CPD: variants seen among roughly 807,000 people sequenced by gnomAD.
The protein encoded by CPD is metallocarboxypeptidase D.
Under a neutral mutation model 138.3 loss-of-function variants are expected in CPD, and 69 were observed. That is an observed-to-expected ratio of 0.50 (90% CI 0.41 to 0.61). The LOEUF (loss-of-function observed/expected upper bound fraction) is 0.61, where lower values mean the gene tolerates loss of function less well. Among genes scored for constraint, CPD ranks in the 20% least tolerant of loss-of-function variants. The pLI is 0.00. For synonymous variants in CPD, 651 were observed against 642.1 expected (o/e 1.01, Z -0.21); for missense variants, 1,432 against 1,733.3 (o/e 0.83, Z 3.09).
At chr17:30,462,288 C>G in intron 19 of CPD, 82 bp from the exon 20 acceptor site, 1 of 1,201,962 alleles carries the variant, frequency 8.3e-7, no homozygotes, top group Non-Finnish European at 1.2e-6. Flanking sequence ...CCTTAGTTTG[C>G]TATATGGGGC....
intron 6 of CPD, among the ~76,000 whole-genome samples, 190 bp from the exon 7 acceptor site, chr17:30,427,201 G>T (rs942522467): frequency 2.7e-4 from 41 of 151,894 alleles, no homozygotes; most frequent in African/African-American, 9.4e-4. Context: ...AAAAAAGGCG[G>T]AGTCAACCAT....
intron 11 of CPD, chr17:30,444,191 G>A (rs527411178): frequency 2.5e-6 from 1 of 403,374 alleles, no homozygotes; most frequent in African/African-American, 2.0e-5. Context: ...TCTAGTTATT[G>A]CTTAGTTGAC....
At chr17:30,454,311 C>T (rs1228362123) in intron 14 of CPD, 1 of 152,848 alleles carries the variant, frequency 6.5e-6, no homozygotes, top group Non-Finnish European at 1.5e-5. Flanking sequence ...CGCCAGATAC[C>T]CTAAATCATC....
chr17:30,391,498 A>G (rs1449304965), intron 2 of CPD, among the ~76,000 whole-genome samples: 1 of 152,240 alleles, frequency 6.6e-6, no homozygotes, highest in Non-Finnish European at 1.5e-5. Flanking sequence ...ATCAAAGATC[A>G]TAGTTTTATG....
rs529835194 is a variant in CPD at position 30,401,728 on chromosome 17, C to T, written c.994+16492C>T. Among the ~76,000 whole-genome samples the T allele has an allele frequency of 9.9e-5, 15 of 152,246 alleles. No individual in the cohort carries two copies. In the East Asian group the frequency reaches 2.1e-3, roughly 22 times the overall value. On this transcript the variant is annotated intron_variant, in intron 2 of 20. Coordinates refer to ENST00000225719, the MANE Select transcript of CPD (RefSeq NM_001304.5). The stretch of plus-strand genomic sequence containing the variant: ...CTCAAACTCCTGGGCTCAAGGGATC[C>T]GCCTGCCTCGGTCTCCCAAAATGTT...
At chr17:30,424,734 T>A (rs1912356996) in intron 6 of CPD, among the ~76,000 whole-genome samples, 1 of 152,190 alleles carries the variant, frequency 6.6e-6, no homozygotes, top group African/African-American at 2.4e-5. Context: ...GGCGTTATAG[T>A]GTGGGATGGG....
In CPD at chr17:30,379,632, C is replaced by A; in HGVS notation, c.652C>A (p.Arg218=). Residue 218 remains arginine, a synonymous_variant, in exon 1 of 21, where the codon CGA becomes AGA. Coordinates refer to ENST00000225719, the MANE Select transcript of CPD (RefSeq NM_001304.5). The surrounding 1 kb of genome is among the most constrained non-coding windows in gnomAD (Gnocchi z 7.0). ...CAATAGTCGCGGCCGCGACCTCAAC[C>A]GAAGCTTTCCCGACCAGTTTAGCAC... ...RDNSRGRDLN[R]SFPDQFSTGE... 2 of 1,501,782 alleles carry A rather than the reference C, an allele frequency of 1.3e-6. No homozygotes were observed. Among genetic ancestry groups the A allele is most frequent in the Non-Finnish European group, 1.8e-6 (2 of 1,141,082 alleles). 93.0% of individuals were successfully genotyped at this position (1,501,782 alleles called of 1,614,324 possible). A position where few individuals can be genotyped will look rare whatever the true frequency, so the allele number is the denominator to read the frequency against.
chr17:30,421,756 T>C lies in CPD; in HGVS notation c.1230T>C (p.Asn410=). 1 of 1,613,778 alleles carries C rather than the reference T, an allele frequency of 6.2e-7. No individual in the cohort carries two copies. Among genetic ancestry groups the C allele is most frequent in the Non-Finnish European group, 8.5e-7 (1 of 1,179,712 alleles). The part of the protein sequence containing the change: ...ATISVAGINH[N]ITTGRFGDFY... The stretch of plus-strand genomic sequence containing the variant: ...TCTCAGTGGCTGGTATTAATCATAA[T>C]ATCACAACAGGCAGATTTGGTGATT... Residue 410 remains asparagine, a synonymous_variant, in exon 4 of 21, where the codon AAT becomes AAC. Transcript: ENST00000225719.
At chr17:30,407,660 GTTGT>G (rs1487317299) in intron 2 of CPD, among the ~76,000 whole-genome samples, 39 of 152,220 alleles carry the variant, frequency 2.6e-4, no homozygotes, top group African/African-American at 9.1e-4. Context: ...TTTTGATGGG[GTTGT>G]TTGTTTTTTT....
intron 6 of CPD, among the ~76,000 whole-genome samples, chr17:30,425,205 T>C (rs1411605352): frequency 1.3e-5 from 2 of 152,214 alleles, no homozygotes; most frequent in Non-Finnish European, 2.9e-5. Flanking sequence ...TAAGCTTAAA[T>C]TGAACTTTCT....
At chr17:30,458,806 C>T (rs1271649199) in intron 17 of CPD, among the ~76,000 whole-genome samples, 5 of 150,424 alleles carry the variant, frequency 3.3e-5, no homozygotes, top group South Asian at 4.2e-4. Flanking sequence ...GGGAAGATTG[C>T]GAAGAGCCGA....
At chr17:30,409,821 A>AT (rs1216352663) in intron 2 of CPD, among the ~76,000 whole-genome samples, 15 of 151,910 alleles carry the variant, frequency 9.9e-5, no homozygotes, top group Non-Finnish European at 1.9e-4. Flanking sequence ...GGATTCATTG[A>AT]TTTTTTTTGA....
chr17:30,382,137 G>T (rs895537185), intron 1 of CPD, among the ~76,000 whole-genome samples: 1 of 152,120 alleles, frequency 6.6e-6, no homozygotes, highest in Non-Finnish European at 1.5e-5. Flanking sequence ...TTACAGTGTT[G>T]AGAGTGGGTG....
intron 1 of CPD, chr17:30,380,094 G>C (rs2143289975): frequency 4.9e-6 from 1 of 204,986 alleles, no homozygotes; most frequent in South Asian, 1.8e-4. Context: ...TATCAAAAGT[G>C]CCTAATGTTA....
Position 30,469,305 on chromosome 17 carries a change from A to G in CPD, c.*4491A>G, listed in dbSNP as rs1035415460. 1 of 152,206 alleles carries G rather than the reference A, an allele frequency of 6.6e-6. No individual in the cohort carries two copies. Among genetic ancestry groups the G allele is most frequent in the African/African-American group, 2.4e-5 (1 of 41,462 alleles). 9.4% of individuals were successfully genotyped at this position (152,206 alleles called of 1,614,324 possible). A position where few individuals can be genotyped will look rare whatever the true frequency, so the allele number is the denominator to read the frequency against. ...ATAAAGCATAGAGGTTTGAGCATGG[A>G]CTTTGGAGTTGGACCAATCTGTGAC... On this transcript the variant is annotated 3_prime_UTR_variant, in exon 21 of 21. Transcript: ENST00000225719.
chr17:30,404,730 G>A (rs1024430980), intron 2 of CPD, among the ~76,000 whole-genome samples: 1 of 151,634 alleles, frequency 6.6e-6, no homozygotes, highest in Non-Finnish European at 1.5e-5. Flanking sequence ...TCTTTTTAAT[G>A]AAAGACACTT....
intron 2 of CPD, among the ~76,000 whole-genome samples, chr17:30,411,477 C>T (rs1274955116): frequency 5.9e-5 from 9 of 152,248 alleles, no homozygotes; most frequent in Admixed American, 5.2e-4. Context: ...CCATTCTCCC[C>T]GTCACTTTCA....
At chr17:30,458,268 T>A (rs1367955770) in intron 17 of CPD, among the ~76,000 whole-genome samples, 1 of 152,214 alleles carries the variant, frequency 6.6e-6, no homozygotes, top group African/African-American at 2.4e-5. Flanking sequence ...ATCAGATACA[T>A]GATTTGCAAG....
intron 2 of CPD, among the ~76,000 whole-genome samples, chr17:30,405,553 A>G (rs1442212066): frequency 6.6e-6 from 1 of 152,010 alleles, no homozygotes; most frequent in Non-Finnish European, 1.5e-5. Context: ...AGAGTTACTA[A>G]TTTTTTCCCC....
Sources: gnomAD v4.1 joint callset for allele counts (sites outside exome capture counted in the v4.1 genomes callset) on GRCh38, gnomAD v4.1.1 for gene constraint, Gnocchi (gnomAD v3.1) non-coding constraint, MANE v1.5 for transcripts, NCBI Gene and HGNC (gene_info 2026-07-23, HGNC 2026-07-21) for gene names.